The following TJP1 variants were observed in gnomAD, a reference collection of about 807,000 sequenced individuals.
TJP1 encodes the protein tight junction protein 1, also known as tight junction protein ZO-1.
A neutral mutation model predicts 194.2 loss-of-function variants in TJP1; 43 were observed. The ratio of observed to expected loss-of-function variants is 0.22; its 90% CI spans 0.17 to 0.29. The LOEUF (loss-of-function observed/expected upper bound fraction) is 0.29. Ranked by LOEUF, TJP1 falls within the 10% of genes least tolerant of loss-of-function variation. The pLI is 1.00. For synonymous variants in TJP1, 801 were observed against 779.0 expected (o/e 1.03, Z -0.47); for missense variants, 1,971 against 2,185.7 (o/e 0.90, Z 1.96).
At chr15:29,779,418 T>C (rs2047215360) in intron 2 of TJP1, among the ~76,000 whole-genome samples, 1 of 152,118 alleles carries the variant, frequency 6.6e-6, no homozygotes, top group African/African-American at 2.4e-5. Flanking sequence ...TCCAAAAACA[T>C]CCTTAAAATC....
intron 23 of TJP1, among the ~76,000 whole-genome samples, chr15:29,713,636 T>A (rs1412099323): frequency 6.6e-6 from 1 of 152,224 alleles, no homozygotes; most frequent in Non-Finnish European, 1.5e-5. Flanking sequence ...CAGAATCCTA[T>A]ATTTTAAGCT....
At chr15:29,871,726 G>A (rs537316448) in intron 2 of TJP1, among the ~76,000 whole-genome samples, 5 of 152,224 alleles carry the variant, frequency 3.3e-5, no homozygotes, top group African/African-American at 1.2e-4. Flanking sequence ...TCGGACTGCA[G>A]CCCCAAGAGA....
intron 2 of TJP1, among the ~76,000 whole-genome samples, chr15:29,832,672 G>A (rs1374482828): frequency 6.6e-6 from 1 of 152,226 alleles, no homozygotes; most frequent in African/African-American, 2.4e-5. Context: ...GGCTTAGGTA[G>A]ACTACTTCCT....
intron 2 of TJP1, among the ~76,000 whole-genome samples, chr15:29,796,447 G>T (rs531680744): frequency 1.4e-5 from 2 of 146,284 alleles, no homozygotes; most frequent in African/African-American, 5.0e-5. Context: ...AGAAACATGA[G>T]ATATTTAACT....
intron 2 of TJP1, among the ~76,000 whole-genome samples, chr15:29,909,751 C>T (rs1596238244): frequency 1.3e-5 from 2 of 151,982 alleles, no homozygotes; most frequent in South Asian, 4.2e-4. Flanking sequence ...GTGAGCGGGG[C>T]ATCCTACCCA....
chr15:29,882,383 C>CA (rs1567163267), intron 2 of TJP1, among the ~76,000 whole-genome samples: 1 of 152,152 alleles, frequency 6.6e-6, no homozygotes, highest in Non-Finnish European at 1.5e-5. Context: ...CCAGTATCAA[C>CA]AACCAAGGAC....
At chr15:29,721,315 C>T (rs2042915191) in intron 18 of TJP1, among the ~76,000 whole-genome samples, 1 of 152,100 alleles carries the variant, frequency 6.6e-6, no homozygotes, top group African/African-American at 2.4e-5. Context: ...AGCACCATCT[C>T]CCTCACACAG....
intron 2 of TJP1, among the ~76,000 whole-genome samples, chr15:29,863,783 T>G (rs542460261): frequency 6.6e-6 from 1 of 152,268 alleles, no homozygotes; most frequent in East Asian, 1.9e-4. Context: ...TGTGCCTAAC[T>G]CACACCCCAT....
chr15:29,702,572 T>C (rs890282740), intron 27 of TJP1, among the ~76,000 whole-genome samples: 23 of 152,022 alleles, frequency 1.5e-4, no homozygotes, highest in African/African-American at 5.3e-4. Flanking sequence ...CATCTAGGGG[T>C]AGAGGCCCAG....
At chr15:29,879,345 C>T (rs2052838701) in intron 2 of TJP1, among the ~76,000 whole-genome samples, 1 of 152,144 alleles carries the variant, frequency 6.6e-6, no homozygotes, top group Non-Finnish European at 1.5e-5. Context: ...GTGCTTGCTC[C>T]CCTGAGCTGG....
intron 2 of TJP1, among the ~76,000 whole-genome samples, chr15:29,872,836 AC>A (rs1351405615): frequency 1.3e-5 from 2 of 152,016 alleles, no homozygotes; most frequent in African/African-American, 4.8e-5. Flanking sequence ...CGGCACGTCC[AC>A]TCTGAGTGAG....
chr15:29,860,921 A>T (rs1323949021), intron 2 of TJP1, among the ~76,000 whole-genome samples: 1 of 152,212 alleles, frequency 6.6e-6, no homozygotes, highest in Non-Finnish European at 1.5e-5. Flanking sequence ...CTTACATGTA[A>T]TGCTACTGCA....
chr15:29,747,394 C>T lies in TJP1; in HGVS notation c.1011-4613G>A, dbSNP rs148290808. ...AAGTATAAATCAACAAAATTAAGCT[C>T]TATCCCCAAATTGTGCTGTGCTCCT... On this transcript the variant is annotated intron_variant, in intron 8 of 27. Transcript: ENST00000614355. 7.9e-4 allele frequency among the ~76,000 whole-genome samples: 120 copies of T among 152,222 alleles called. 1 individual carries two copies. The East Asian group carries it at 0.021, about 26-fold the overall frequency.
In TJP1 at chr15:29,742,761, T is replaced by C; in HGVS notation, c.1031A>G (p.Glu344Gly). The C allele has an allele frequency of 6.2e-7, 1 of 1,603,554 alleles. No homozygotes were observed. Among genetic ancestry groups the C allele is most frequent in the Non-Finnish European group, 8.5e-7 (1 of 1,176,306 alleles). Reference protein sequence around the residue: ...SNGSLRSRDEERISKPGAVST... With the variant: ...SNGSLRSRDEGRISKPGAVST... ...GACAGCCCCAGGTTTAGAAATTCTC[T>C]CTTCATCTCTACTCCGGAGACTGTG... is the stretch of plus-strand genomic sequence containing the variant. Residue 344 changes from glutamate to glycine, a missense_variant, in exon 9 of 28, where the codon GAG becomes GGG. Glu to Gly is a moderately conservative substitution (Grantham distance 98). Around this residue, in one of 5 missense-constraint regions of TJP1, gnomAD observed 192 missense variants for 182.3 expected, o/e 1.05. Transcript: ENST00000614355.
intron 2 of TJP1, among the ~76,000 whole-genome samples, chr15:29,788,549 G>A (rs957997630): frequency 6.6e-6 from 1 of 151,962 alleles, no homozygotes; most frequent in Non-Finnish European, 1.5e-5. Context: ...TCCTGGGTCT[G>A]TTAATGACTG....
chr15:29,723,431 C>CT (rs1468048629), intron 18 of TJP1, among the ~76,000 whole-genome samples: 5 of 152,186 alleles, frequency 3.3e-5, no homozygotes, highest in Non-Finnish European at 7.3e-5. Context: ...GTAAGACATG[C>CT]TTTTTCCCCT....
intron 2 of TJP1, among the ~76,000 whole-genome samples, chr15:29,955,969 A>T (rs1340790381): frequency 1.3e-5 from 2 of 152,026 alleles, no homozygotes; most frequent in Admixed American, 6.6e-5. Flanking sequence ...ATCGAACTTA[A>T]ATCAATTTTT....
intron 2 of TJP1, among the ~76,000 whole-genome samples, chr15:29,787,790 C>T (rs1234129348): frequency 6.6e-6 from 1 of 152,170 alleles, no homozygotes; most frequent in Non-Finnish European, 1.5e-5. Flanking sequence ...GCCATTAACA[C>T]TCATGTGTAA....
In TJP1 at chr15:29,863,732, G is replaced by T. The variant is rs559904947; in HGVS notation, c.307-63030C>A. Among the ~76,000 whole-genome samples, 7 of 152,260 alleles carry T rather than the reference G, an allele frequency of 4.6e-5. 1 individual carries two copies. The South Asian group carries it at 1.5e-3, about 32-fold the overall frequency. ...AGTGGGCTGGCAGTGCTGCTCTTTG[G>T]TGGTAGAGAACACAGGGTGATGTTC... On this transcript the variant is annotated intron_variant, in intron 2 of 28. Coordinates refer to the TJP1 transcript ENST00000356107.
Sources: allele counts gnomAD v4.1 joint callset (sites outside exome capture counted in the v4.1 genomes callset), GRCh38; gene constraint gnomAD v4.1.1; regional missense constraint gnomAD v4.1.1; transcripts MANE v1.5; gene names NCBI Gene and HGNC (gene_info 2026-07-23, HGNC 2026-07-21).